Variants in SERGEF observed in about 807,000 individuals in gnomAD.
SERGEF encodes the protein secretion-regulating guanine nucleotide exchange factor.
Under a neutral mutation model 50.0 loss-of-function variants are expected in SERGEF, and 51 were observed. The observed-to-expected ratio is 1.02, with a 90% CI of 0.81 to 1.29. The LOEUF (loss-of-function observed/expected upper bound fraction) is 1.29, where lower values mean the gene tolerates loss of function less well. Among genes scored for constraint, SERGEF ranks in the 50% most tolerant of loss-of-function variants. SERGEF has a pLI of 0.00. For synonymous variants in SERGEF, 205 were observed against 212.4 expected (o/e 0.97, Z 0.30); for missense variants, 521 against 557.0 (o/e 0.94, Z 0.65).
At chr11:17,818,091 G>A (rs895926341) in intron 10 of SERGEF, among the ~76,000 whole-genome samples, 2 of 152,172 alleles carry the variant, frequency 1.3e-5, no homozygotes, top group African/African-American at 4.8e-5. Context: ...ACACTTCTTT[G>A]TTAGAGTTCA....
At chr11:17,800,531 T>C (rs1316969176) in intron 10 of SERGEF, among the ~76,000 whole-genome samples, 1 of 152,180 alleles carries the variant, frequency 6.6e-6, no homozygotes, top group Non-Finnish European at 1.5e-5. Context: ...ATTCAAGCAG[T>C]TGCAGAGAAT....
chr11:17,797,712 CT>C (rs1337530087), intron 10 of SERGEF, among the ~76,000 whole-genome samples: 1 of 152,212 alleles, frequency 6.6e-6, no homozygotes, highest in East Asian at 1.9e-4. Context: ...GCGCTCAATG[CT>C]GTTGTGTGAA....
chr11:17,790,354 C>A (rs1299521434), intron 10 of SERGEF, among the ~76,000 whole-genome samples: 1 of 149,934 alleles, frequency 6.7e-6, no homozygotes, highest in Admixed American at 6.6e-5. Context: ...TTTTTTTCTG[C>A]AAGTTGCTCT....
Position 17,788,223 on chromosome 11 carries a change from C to T in SERGEF, c.1239G>A (p.Lys413=). ...PAHPALVQDP[K]VTYLSPDAIE... is the part of the protein sequence containing the mutation. ...TGGCATCTGGGGAAAGGTAGGTGAC[C>T]TTGGGGTCCTGGACCAATGCAGGGT... The change falls in exon 11 of 11, where the codon AAG becomes AAA. Residue 413 remains lysine (K), a synonymous_variant. Transcript: ENST00000265965. 1.9e-6 allele frequency: 3 copies of T among 1,612,644 alleles called. No homozygotes were observed. Among genetic ancestry groups the T allele is most frequent in the Non-Finnish European group, 2.5e-6 (3 of 1,178,810 alleles).
chr11:17,856,380 C>T (rs775179107), intron 10 of SERGEF: 2 of 152,208 alleles, frequency 1.3e-5, no homozygotes, highest in African/African-American at 4.8e-5. Flanking sequence ...CCTTTAGATC[C>T]TGAATTCATC....
chr11:17,865,403 G>C (rs973684848), intron 10 of SERGEF, among the ~76,000 whole-genome samples: 8 of 151,230 alleles, frequency 5.3e-5, no homozygotes, highest in Non-Finnish European at 1.0e-4. Context: ...TTTTTTTTAA[G>C]TTAACTGTAA....
chr11:17,932,185 AAG>A (rs1852365574), intron 9 of SERGEF, among the ~76,000 whole-genome samples: 1 of 152,174 alleles, frequency 6.6e-6, no homozygotes, highest in African/African-American at 2.4e-5. Flanking sequence ...GAAAGAAAGA[AAG>A]AAATGCTCTG....
chr11:17,878,133 G>C (rs763241413), intron 10 of SERGEF, 75 bp downstream of exon 10: 26 of 1,127,820 alleles, frequency 2.3e-5, no homozygotes, highest in Admixed American at 6.0e-5. Flanking sequence ...CATGGCTTTT[G>C]GTTAACCAAA....
At chr11:17,998,985 A>T (rs1055735089) in intron 5 of SERGEF, among the ~76,000 whole-genome samples, 9 of 152,212 alleles carry the variant, frequency 5.9e-5, no homozygotes, top group Non-Finnish European at 1.0e-4. Context: ...GTACTGTGGT[A>T]CATCCATACC....
intron 10 of SERGEF, among the ~76,000 whole-genome samples, chr11:17,806,645 T>C (rs1849761325): frequency 6.6e-6 from 1 of 152,190 alleles, no homozygotes. Flanking sequence ...GATTCAATTA[T>C]TCTAATGGGC....
At chr11:17,855,644 T>C (rs1348437037) in intron 10 of SERGEF, 1 of 152,210 alleles carries the variant, frequency 6.6e-6, no homozygotes, top group Admixed American at 6.5e-5. Context: ...TGTGAAACTT[T>C]TGCATTATTT....
At chr11:17,865,874 T>C (rs1851012841) in intron 10 of SERGEF, among the ~76,000 whole-genome samples, 1 of 152,226 alleles carries the variant, frequency 6.6e-6, no homozygotes, top group South Asian at 2.1e-4. Context: ...TTATAAAGGC[T>C]ACAGTAGTAT....
At chr11:17,840,212 C>T (rs1319644285) in intron 10 of SERGEF, among the ~76,000 whole-genome samples, 3 of 152,236 alleles carry the variant, frequency 2.0e-5, no homozygotes, top group African/African-American at 7.2e-5. Flanking sequence ...TATTTCATCA[C>T]TCACTGCACT....
chr11:17,846,144 A>G (rs1007309116), intron 10 of SERGEF, among the ~76,000 whole-genome samples: 1 of 152,150 alleles, frequency 6.6e-6, no homozygotes, highest in Non-Finnish European at 1.5e-5. Context: ...CAAATTCTCA[A>G]GGTTGGTGGT....
chr11:17,917,396 T>C (rs1852069125), intron 9 of SERGEF, among the ~76,000 whole-genome samples: 1 of 152,090 alleles, frequency 6.6e-6, no homozygotes, highest in Non-Finnish European at 1.5e-5. Flanking sequence ...AATGACACAA[T>C]AGACTTCAAT....
intron 9 of SERGEF, among the ~76,000 whole-genome samples, chr11:17,944,261 C>T (rs1852613172): frequency 1.3e-5 from 2 of 152,216 alleles, no homozygotes; most frequent in African/African-American, 4.8e-5. Flanking sequence ...GATCAAGTTG[C>T]CAAACTTGAT....
chr11:17,940,740 G>C (rs1852546410), intron 9 of SERGEF, among the ~76,000 whole-genome samples: 1 of 151,986 alleles, frequency 6.6e-6, no homozygotes, highest in Admixed American at 6.6e-5. Context: ...TGACCGGCTT[G>C]ATGATCAGTC....
In SERGEF at chr11:17,993,010, G is replaced by T; in HGVS notation, c.623-17C>A. Reference sequence around the variant, plus strand: ...TCTCTAGACCTACAAAAGAAAAAATGTTCTTCTGAATTACATTTATAACAG... The same window carrying T: ...TCTCTAGACCTACAAAAGAAAAAATTTTCTTCTGAATTACATTTATAACAG... On this transcript the variant is annotated splice_polypyrimidine_tract_variant and intron_variant, in intron 6 of 10. Coordinates refer to ENST00000265965, the MANE Select transcript of SERGEF (RefSeq NM_012139.4). 1 of 1,610,270 alleles carries T rather than the reference G, an allele frequency of 6.2e-7. No homozygotes were observed. The highest frequency in any genetic ancestry group is 1.1e-5 in the South Asian group (1 of 90,916).
intron 9 of SERGEF, among the ~76,000 whole-genome samples, chr11:17,899,836 G>C (rs1851712323): frequency 6.6e-6 from 1 of 151,740 alleles, no homozygotes; most frequent in South Asian, 2.1e-4. Context: ...CACACCTGTA[G>C]TCCTAGCTAC....
Sources: allele counts gnomAD v4.1 joint callset (sites outside exome capture counted in the v4.1 genomes callset), GRCh38; gene constraint gnomAD v4.1.1; transcripts MANE v1.5; gene names NCBI Gene and HGNC (gene_info 2026-07-23, HGNC 2026-07-21).